The following ANKFY1 variants were observed in gnomAD, a reference collection of about 807,000 sequenced individuals.
The protein encoded by ANKFY1 is ankyrin repeat and FYVE domain-containing protein 1.
In ANKFY1, 47 loss-of-function variants were observed where a neutral mutation model predicts 128.3. The observed-to-expected ratio is 0.37, with a 90% CI of 0.29 to 0.47. The LOEUF (loss-of-function observed/expected upper bound fraction) is 0.47. Among genes scored for constraint, ANKFY1 ranks in the 20% least tolerant of loss-of-function variants. The pLI is 1.00. For missense variants in ANKFY1, 1,222 were observed against 1,510.6 expected, an observed-to-expected ratio of 0.81 and a Z score of 3.17; for synonymous variants, 553 against 601.6, an observed-to-expected ratio of 0.92 and a Z score of 1.18.
rs771643446 is a variant in ANKFY1, at chr17:4,239,695, CAT to C, written c.203+2559_203+2560del. On this transcript the variant is annotated intron_variant, in intron 2 of 24. Transcript: ENST00000341657. ...CTGGGATTACAGGCGCGTGCCACCA[CAT>C]GTGGCTAATTTTTGTATTTTTAGTA... 3.4e-4 allele frequency among the ~76,000 whole-genome samples: 52 copies of C among 152,200 alleles called. 1 individual carries two copies. The highest frequency in any genetic ancestry group is 1.4e-3 in the Admixed American group (21 of 15,294).
At chr17:4,216,261 G>T (rs901054332) in intron 4 of ANKFY1, among the ~76,000 whole-genome samples, 13 of 152,112 alleles carry the variant, frequency 8.5e-5, no homozygotes, top group African/African-American at 2.9e-4. Flanking sequence ...TCACCCAGGA[G>T]AAAAGCCATT....
chr17:4,239,055 G>A (rs1245219178), intron 2 of ANKFY1, among the ~76,000 whole-genome samples: 1 of 152,202 alleles, frequency 6.6e-6, no homozygotes, highest in African/African-American at 2.4e-5. Flanking sequence ...ACCACGCCCG[G>A]CCTAGGGCAG....
At chr17:4,229,725 G>C (rs1330532688) in intron 3 of ANKFY1, among the ~76,000 whole-genome samples, 1 of 152,204 alleles carries the variant, frequency 6.6e-6, no homozygotes, top group Non-Finnish European at 1.5e-5. Context: ...TTGGGCATGG[G>C]ACTCAGCTGC....
intron 1 of ANKFY1, among the ~76,000 whole-genome samples, chr17:4,249,488 C>T (rs927186511): frequency 2.6e-5 from 4 of 152,120 alleles, no homozygotes; most frequent in African/African-American, 7.2e-5. Context: ...AAAAACAAGT[C>T]GACAGGTCTC....
At position 4,182,296 on chromosome 17, in the gene ANKFY1, A is replaced by C; in HGVS notation, c.2006T>G (p.Leu669Arg). Reference protein sequence around the residue: ...LQLAIRNQLPLVVDAICTRGA... With the variant: ...LQLAIRNQLPRVVDAICTRGA... Reference sequence around the variant, plus strand: ...TCGGGTGCATATGGCATCAACTACGAGTGGAAGCTGGTTTCTGATGGCCAG... The same window carrying C: ...TCGGGTGCATATGGCATCAACTACGCGTGGAAGCTGGTTTCTGATGGCCAG... The change falls in exon 15 of 25, where the codon CTC becomes CGC. Residue 669 changes from leucine (L) to arginine (R), a missense_variant. By Grantham distance (102) the Leu-to-Arg change is moderately radical. Transcript: ENST00000341657. 1.3e-6 allele frequency: 2 copies of C among 1,593,830 alleles called. No homozygotes were observed. Among genetic ancestry groups the C allele is most frequent in the South Asian group, 1.2e-5 (1 of 85,730 alleles).
chr17:4,256,263 T>C (rs910818240), intron 1 of ANKFY1, among the ~76,000 whole-genome samples: 11 of 151,948 alleles, frequency 7.2e-5, no homozygotes, highest in East Asian at 2.0e-4. Flanking sequence ...CCCGTCTCTA[T>C]TAAAAATACA....
intron 14 of ANKFY1, among the ~76,000 whole-genome samples, chr17:4,183,084 CA>C (rs1389514901): frequency 6.6e-6 from 1 of 152,034 alleles, no homozygotes; most frequent in African/African-American, 2.4e-5. Flanking sequence ...CCAGCCTAGG[CA>C]AAAGAGTAAG....
rs1370668957 is a variant in ANKFY1, at chr17:4,167,287, CTATTATCTT to C, written c.*483_*491del. 6.5e-6 allele frequency: 1 copy of C among 152,916 alleles called. No homozygotes were observed. Among genetic ancestry groups the C allele is most frequent in the Non-Finnish European group, 1.5e-5 (1 of 68,262 alleles). The allele number at this position is 152,916 out of a possible 1,614,324, so 9.5% of individuals were successfully genotyped here. A position where few individuals can be genotyped will look rare whatever the true frequency, so the allele number is the denominator to read the frequency against. On this transcript the variant is annotated 3_prime_UTR_variant, in exon 25 of 25. Coordinates refer to ENST00000341657, the MANE Select transcript of ANKFY1 (RefSeq NM_001330063.2). The surrounding 1 kb of genome is among the most constrained non-coding windows in gnomAD (Gnocchi z 4.1). ...AAAAAGACTTCAGGGCAAGAGGATC[CTATTATCTT>C]TATGAAAACACTGTGCAGAAAAGTC... is the stretch of plus-strand genomic sequence containing the variant.
chr17:4,171,493 G>T (rs1407222730), intron 22 of ANKFY1, among the ~76,000 whole-genome samples: 2 of 152,124 alleles, frequency 1.3e-5, no homozygotes, highest in African/African-American at 4.8e-5. Context: ...ACAATAAGAT[G>T]AGGGTTATTC....
At chr17:4,185,211 TTTTG>T (rs1235374572) in intron 11 of ANKFY1, among the ~76,000 whole-genome samples, 165 bp from the exon 12 acceptor site, 4 of 152,122 alleles carry the variant, frequency 2.6e-5, no homozygotes, top group Non-Finnish European at 5.9e-5. Context: ...CAGTATCTTT[TTTTG>T]TTTGTTTTGA....
intron 23 of ANKFY1, among the ~76,000 whole-genome samples, chr17:4,170,221 C>T (rs1259878411): frequency 3.3e-5 from 5 of 152,232 alleles, no homozygotes; most frequent in Non-Finnish European, 7.3e-5. Context: ...TGACACAGCA[C>T]AGGCACTCGA....
intron 12 of ANKFY1, 79 bp downstream of exon 12, chr17:4,184,739 A>G: frequency 6.7e-7 from 1 of 1,493,896 alleles, no homozygotes; most frequent in East Asian, 2.3e-5. Flanking sequence ...ACCAACAGAA[A>G]AAACATCAAC....
chr17:4,215,184 G>A (rs544783158), intron 4 of ANKFY1, among the ~76,000 whole-genome samples: 48 of 151,712 alleles, frequency 3.2e-4, no homozygotes, highest in African/African-American at 1.0e-3. Flanking sequence ...AGCTACTCAG[G>A]AGGCTGAGGC....
chr17:4,173,533 A>G, intron 20 of ANKFY1, 89 bp from the exon 21 acceptor site: 1 of 1,256,234 alleles, frequency 8.0e-7, no homozygotes, highest in Non-Finnish European at 1.1e-6. Context: ...CTCTCTGTAA[A>G]TGGGACCCGG....
intron 19 of ANKFY1, 21 bp downstream of exon 19, chr17:4,177,105 C>G (rs762839184): frequency 1.3e-6 from 2 of 1,557,190 alleles, no homozygotes; most frequent in Non-Finnish European, 1.7e-6. Flanking sequence ...TTATTACATG[C>G]AATACTTCTG....
At chr17:4,253,417 T>C (rs960998664) in intron 1 of ANKFY1, among the ~76,000 whole-genome samples, 1 of 152,224 alleles carries the variant, frequency 6.6e-6, no homozygotes, top group African/African-American at 2.4e-5. Flanking sequence ...ACAGTTTAAA[T>C]TGGTACATTT....
intron 1 of ANKFY1, 21 bp from the exon 2 acceptor site, chr17:4,242,469 C>G: frequency 6.6e-7 from 1 of 1,523,434 alleles, no homozygotes; most frequent in Non-Finnish European, 8.8e-7. Flanking sequence ...AACGAAGAAT[C>G]AAGTTCACCG....
Position 4,235,899 on chromosome 17 carries a change from GA to G in ANKFY1, c.204-10del, listed in dbSNP as rs780650774. The G allele has an allele frequency of 3.1e-6, 5 of 1,591,872 alleles. No individual in the cohort carries two copies. The East Asian group carries it at 8.9e-5, about 28-fold the overall frequency. On this transcript the variant is annotated splice_polypyrimidine_tract_variant and intron_variant, in intron 2 of 24. Coordinates refer to ENST00000341657, the MANE Select transcript of ANKFY1 (RefSeq NM_001330063.2). ...CCTTTATCTTCAGATCGCTGATGAA[GA>G]AAAAGATCCACATATATTAGAAAAA...
chr17:4,252,390 A>AC (rs1003261486), intron 1 of ANKFY1, among the ~76,000 whole-genome samples: 1 of 151,980 alleles, frequency 6.6e-6, no homozygotes, highest in Non-Finnish European at 1.5e-5. Context: ...ACAGAGTGAG[A>AC]CCCCCGTCTC....
Sources: allele counts gnomAD v4.1 joint callset (sites outside exome capture counted in the v4.1 genomes callset), GRCh38; gene constraint gnomAD v4.1.1; non-coding constraint Gnocchi (gnomAD v3.1); transcripts MANE v1.5; gene names NCBI Gene and HGNC (gene_info 2026-07-23, HGNC 2026-07-21).